Variants in RAB3C observed in about 807,000 individuals in gnomAD.
The protein encoded by RAB3C is RAB3C, member RAS oncogene family, also known as ras-related protein Rab-3C.
A neutral mutation model predicts 26.4 loss-of-function variants in RAB3C; 17 were observed. The ratio of observed to expected loss-of-function variants is 0.64; its 90% CI spans 0.44 to 0.97. RAB3C has a LOEUF of 0.97. RAB3C is among the 50% of genes least tolerant of loss of function. The pLI, the probability that RAB3C is intolerant of heterozygous loss-of-function variation, is 0.00. For missense variants in RAB3C, 242 were observed against 281.9 expected, an observed-to-expected ratio of 0.86 and a Z score of 1.01; for synonymous variants, 91 against 95.9, an observed-to-expected ratio of 0.95 and a Z score of 0.30.
At chr5:58,777,766 C>A (rs969894055) in intron 3 of RAB3C, among the ~76,000 whole-genome samples, 5 of 149,638 alleles carry the variant, frequency 3.3e-5, no homozygotes, top group African/African-American at 1.2e-4. Flanking sequence ...CCATGACAAG[C>A]CCTGGTGTGT....
At chr5:58,739,961 T>A (rs1456181380) in intron 3 of RAB3C, among the ~76,000 whole-genome samples, 1 of 152,234 alleles carries the variant, frequency 6.6e-6, no homozygotes, top group Non-Finnish European at 1.5e-5. Flanking sequence ...AAGGCCTGAA[T>A]GTATTTTTAG....
At chr5:58,830,076 G>A (rs1743578687) in intron 4 of RAB3C, among the ~76,000 whole-genome samples, 1 of 152,142 alleles carries the variant, frequency 6.6e-6, no homozygotes, top group Admixed American at 6.5e-5. Flanking sequence ...CTATGAATGG[G>A]TAGTTACTTC....
chr5:58,781,146 T>TA (rs1049493033), intron 3 of RAB3C, among the ~76,000 whole-genome samples: 5 of 151,090 alleles, frequency 3.3e-5, no homozygotes, highest in East Asian at 1.9e-4. Flanking sequence ...ATCAGTCAAA[T>TA]AAAAAAAAAG....
At chr5:58,672,145 A>G (rs542330511) in intron 2 of RAB3C, among the ~76,000 whole-genome samples, 4 of 152,318 alleles carry the variant, frequency 2.6e-5, no homozygotes, top group South Asian at 4.1e-4. Context: ...GACTGTTTCA[A>G]TGTTTTCTGG....
intron 2 of RAB3C, among the ~76,000 whole-genome samples, chr5:58,712,414 A>G (rs1379559943): frequency 6.6e-6 from 1 of 152,148 alleles, no homozygotes; most frequent in African/African-American, 2.4e-5. Context: ...GCTTTGTATC[A>G]ATTTTGAGTC....
At chr5:58,827,781 A>T (rs777708871) in intron 4 of RAB3C, among the ~76,000 whole-genome samples, 1 of 152,184 alleles carries the variant, frequency 6.6e-6, no homozygotes, top group African/African-American at 2.4e-5. Flanking sequence ...TGTTCTCCTC[A>T]TGGCTACACA....
chr5:58,854,631 G>C lies in RAB3C; in HGVS notation c.*3280G>C, dbSNP rs1744218994. 1 of 152,188 alleles carries C rather than the reference G, an allele frequency of 6.6e-6. No individual in the cohort carries two copies. Among genetic ancestry groups the C allele is most frequent in the Non-Finnish European group, 1.5e-5 (1 of 68,018 alleles). The allele number at this position is 152,188 out of a possible 1,614,324, so 9.4% of individuals were successfully genotyped here. ...CTGCCTTGATGAACTTCTAATGACTGTGAAAGCTAGGAGGTTCTTCTAGTT... is the reference window on the plus strand; with the variant it reads ...CTGCCTTGATGAACTTCTAATGACTCTGAAAGCTAGGAGGTTCTTCTAGTT... On this transcript the variant is annotated 3_prime_UTR_variant, in exon 5 of 5. Coordinates refer to ENST00000282878, the MANE Select transcript of RAB3C (RefSeq NM_138453.4).
chr5:58,673,542 C>T (rs1309155643), intron 2 of RAB3C, among the ~76,000 whole-genome samples: 1 of 151,474 alleles, frequency 6.6e-6, no homozygotes, highest in Non-Finnish European at 1.5e-5. Context: ...TTGACTGTTC[C>T]CATTTTATAG....
chr5:58,802,375 G>A (rs1742830867), intron 3 of RAB3C, among the ~76,000 whole-genome samples: 1 of 152,154 alleles, frequency 6.6e-6, no homozygotes, highest in Non-Finnish European at 1.5e-5. Flanking sequence ...CTGAGAAAAT[G>A]CATTTATAGT....
intron 3 of RAB3C, among the ~76,000 whole-genome samples, chr5:58,742,437 C>T (rs961535270): frequency 2.0e-5 from 3 of 152,172 alleles, no homozygotes; most frequent in African/African-American, 7.2e-5. Flanking sequence ...CTCTGGTCAG[C>T]TTTAGGCCCT....
At chr5:58,777,594 G>GTT (rs779951394) in intron 3 of RAB3C, among the ~76,000 whole-genome samples, 33 of 130,098 alleles carry the variant, frequency 2.5e-4, no homozygotes, top group African/African-American at 3.6e-4. Flanking sequence ...GAAAGACCAT[G>GTT]TTTTTTTTTT....
chr5:58,804,163 C>T (rs1742880478), intron 3 of RAB3C, among the ~76,000 whole-genome samples: 1 of 152,118 alleles, frequency 6.6e-6, no homozygotes, highest in Non-Finnish European at 1.5e-5. Context: ...ATAGAAATCA[C>T]TGGTGGCATG....
chr5:58,732,508 T>C (rs1169223676), intron 3 of RAB3C, among the ~76,000 whole-genome samples: 1 of 152,168 alleles, frequency 6.6e-6, no homozygotes, highest in East Asian at 1.9e-4. Context: ...CTCATTTTTT[T>C]CTTTCTTAAA....
intron 2 of RAB3C, among the ~76,000 whole-genome samples, chr5:58,620,696 CAT>C (rs1246418920): frequency 6.6e-6 from 1 of 152,188 alleles, no homozygotes; most frequent in East Asian, 1.9e-4. Flanking sequence ...CAGGGTTGCA[CAT>C]GCTGAATGGC....
chr5:58,808,947 G>T (rs1743007423), intron 3 of RAB3C, among the ~76,000 whole-genome samples: 2 of 152,162 alleles, frequency 1.3e-5, no homozygotes, highest in African/African-American at 4.8e-5. Flanking sequence ...CCAATTTCAT[G>T]TACCAAATTT....
At chr5:58,756,218 T>C (rs1257397065) in intron 3 of RAB3C, among the ~76,000 whole-genome samples, 3 of 150,600 alleles carry the variant, frequency 2.0e-5, no homozygotes, top group Non-Finnish European at 3.0e-5. Flanking sequence ...AATTTTTTTC[T>C]TAATAAATTG....
intron 2 of RAB3C, among the ~76,000 whole-genome samples, chr5:58,621,766 G>A (rs879615065): frequency 2.0e-5 from 3 of 151,956 alleles, no homozygotes; most frequent in East Asian, 1.9e-4. Context: ...AGGGGAGATG[G>A]GGTTTCACCA....
chr5:58,590,156 A>G (rs918970081), intron 1 of RAB3C, among the ~76,000 whole-genome samples: 5 of 152,232 alleles, frequency 3.3e-5, no homozygotes, highest in Non-Finnish European at 7.3e-5. Context: ...TGCAATCGAA[A>G]ACTAAATATG....
intron 2 of RAB3C, among the ~76,000 whole-genome samples, chr5:58,695,508 T>C (rs751831511): frequency 1.3e-5 from 2 of 152,212 alleles, no homozygotes; most frequent in Non-Finnish European, 2.9e-5. Context: ...ATAAATTACT[T>C]TGGGCAATAT....
Sources: allele counts gnomAD v4.1 joint callset (sites outside exome capture counted in the v4.1 genomes callset), GRCh38; gene constraint gnomAD v4.1.1; transcripts MANE v1.5; gene names NCBI Gene and HGNC (gene_info 2026-07-23, HGNC 2026-07-21).